The following PRR14L variants were observed in gnomAD, a reference collection of about 807,000 sequenced individuals.
PRR14L encodes proline rich 14 like.
A neutral mutation model predicts 155.0 loss-of-function variants in PRR14L; 80 were observed. The observed-to-expected ratio is 0.52, with a 90% CI of 0.43 to 0.62. PRR14L has a LOEUF of 0.62. PRR14L is among the 20% of genes least tolerant of loss of function. PRR14L has a pLI of 0.00. For missense variants in PRR14L, 2,469 were observed against 2,548.0 expected, an observed-to-expected ratio of 0.97 and a Z score of 0.67; for synonymous variants, 883 against 916.0, an observed-to-expected ratio of 0.96 and a Z score of 0.65.
intron 3 of PRR14L, 123 bp from the exon 4 acceptor site, chr22:31,717,414 G>A (rs1188562764): frequency 4.1e-5 from 31 of 756,286 alleles, no homozygotes; most frequent in Non-Finnish European, 6.4e-5. Context: ...AAAGAAAACT[G>A]GAAAGTTAGC....
chr22:31,709,802 A>T (rs560907098), intron 4 of PRR14L, among the ~76,000 whole-genome samples: 62 of 151,670 alleles, frequency 4.1e-4, no homozygotes, highest in African/African-American at 1.4e-3. Flanking sequence ...CAGCCTCCCA[A>T]AGTGCTAGGA....
intron 3 of PRR14L, among the ~76,000 whole-genome samples, chr22:31,718,465 A>G (rs1264001308): frequency 2.7e-5 from 4 of 150,632 alleles, no homozygotes; most frequent in Admixed American, 2.0e-4. Context: ...TCACCATGTT[A>G]GGATGGTCTT....
intron 2 of PRR14L, among the ~76,000 whole-genome samples, chr22:31,730,171 G>C (rs2074740296): frequency 6.6e-6 from 1 of 151,730 alleles, no homozygotes; most frequent in South Asian, 2.1e-4. Context: ...CGGGCGCTGT[G>C]GCTCATGCCT....
At position 31,714,179 on chromosome 22, in the gene PRR14L, C is replaced by T; in HGVS notation, c.3660G>A (p.Glu1220=). The T allele has an allele frequency of 1.3e-6, 2 of 1,551,594 alleles. No homozygotes were observed. Among genetic ancestry groups the T allele is most frequent in the Non-Finnish European group, 1.7e-6 (2 of 1,146,956 alleles). ...AGCTTTCATCATGGCAAGACATCGA[C>T]TCTTTTGAGGAAATTCCAAAGGTAC... ...KESTFGISSK[E]SMSCHDESSV... Residue 1220 remains glutamate (E), a synonymous_variant, in exon 4 of 9, where the codon GAG becomes GAA. Coordinates refer to ENST00000327423, the MANE Select transcript of PRR14L (RefSeq NM_173566.3).
chr22:31,695,194 A>G (rs1664455656), intron 7 of PRR14L, among the ~76,000 whole-genome samples: 1 of 152,340 alleles, frequency 6.6e-6, no homozygotes, highest in Admixed American at 6.5e-5. Flanking sequence ...ACTGTTTACT[A>G]TATGCCAATG....
rs1320308557 is a variant in PRR14L, at chr22:31,733,305, T to G, written c.474+5082A>C. Among the ~76,000 whole-genome samples, 7 of 139,054 alleles carry G rather than the reference T, an allele frequency of 5.0e-5. No individual in the cohort carries two copies. In the East Asian group the frequency reaches 1.4e-3, roughly 28 times the overall value. The allele number at this position is 139,054 out of a possible 152,430, so 91.2% of individuals were successfully genotyped here. Reference sequence around the variant, plus strand: ...CCACCGCGCCTGGCCACTGTTTTTTTTTTTTTTTTTTTTTTTTGAGACGGA... The same window carrying G: ...CCACCGCGCCTGGCCACTGTTTTTTGTTTTTTTTTTTTTTTTTGAGACGGA... On this transcript the variant is annotated intron_variant, in intron 2 of 8. Transcript: ENST00000327423.
intron 1 of PRR14L, among the ~76,000 whole-genome samples, chr22:31,746,747 T>TATTTC (rs1474062338): frequency 1.3e-5 from 2 of 152,168 alleles, no homozygotes; most frequent in Non-Finnish European, 2.9e-5. Flanking sequence ...TGAGGACAAT[T>TATTTC]ATTTCATGTT....
Position 31,716,704 on chromosome 22 carries a change from T to C in PRR14L, c.1135A>G (p.Ser379Gly). ...LLKRSAEKTDSSYFYRGDDQG... is the reference protein window; with the variant it reads ...LLKRSAEKTDGSYFYRGDDQG... ...TCATCCCCCCTATAAAAATAAGAAC[T>C]GTCTGTCTTTTCAGCAGATCTCTTT... The change falls in exon 4 of 9, where the codon AGT (serine) becomes GGT (glycine). Residue 379 changes from serine to glycine, a missense_variant. Ser to Gly is a moderately conservative substitution (Grantham distance 56, BLOSUM62 0). This residue lies in a region of PRR14L where 2,363 missense variants were observed against 2,371.6 expected (regional missense o/e 1.00). Coordinates refer to ENST00000327423, the MANE Select transcript of PRR14L (RefSeq NM_173566.3). The C allele has an allele frequency of 1.9e-6, 3 of 1,551,774 alleles. No individual in the cohort carries two copies. The highest frequency in any genetic ancestry group is 1.4e-5 in the African/African-American group (1 of 73,122).
At chr22:31,735,501 C>T (rs2147874424) in intron 2 of PRR14L, among the ~76,000 whole-genome samples, 1 of 151,518 alleles carries the variant, frequency 6.6e-6, no homozygotes, top group East Asian at 1.9e-4. Flanking sequence ...GTTATGTAAG[C>T]ATGTGTATGT....
rs2074632224 is a variant in PRR14L at position 31,712,958 on chromosome 22, G to A, written c.4881C>T (p.Ala1627=). The A allele has an allele frequency of 1.3e-6, 2 of 1,551,670 alleles. No homozygotes were observed. Among genetic ancestry groups the A allele is most frequent in the Non-Finnish European group, 1.7e-6 (2 of 1,147,030 alleles). The change falls in exon 4 of 9, where the codon GCC becomes GCT. Residue 1627 remains alanine, a synonymous_variant. Coordinates refer to ENST00000327423, the MANE Select transcript of PRR14L (RefSeq NM_173566.3). The stretch of plus-strand genomic sequence containing the variant: ...TTAGCTTCTGAGTCTTCATGGCTGG[G>A]GCCAGTTTGGAGGCAAGGATGGACA... ...NKLSILASKL[A]PAMKTQKLRY...
At position 31,713,394 on chromosome 22, in the gene PRR14L, G is replaced by A. The variant is rs1015693561; in HGVS notation, c.4445C>T (p.Ser1482Leu). The change falls in exon 4 of 9, where the codon TCA becomes TTA. Residue 1482 changes from serine (S) to leucine (L), a missense_variant. Physicochemically the swap from Ser to Leu is moderately radical, Grantham distance 145 (BLOSUM62 -2). Around this residue, in one of 2 missense-constraint regions of PRR14L, gnomAD observed 2,363 missense variants for 2,371.6 expected, o/e 1.00. Coordinates refer to ENST00000327423, the MANE Select transcript of PRR14L (RefSeq NM_173566.3). ...ACCAAGAAGGCAAGGACTTGTGCAT[G>A]ACTCAGTGTCCTTCCTTAATGGATG... is the stretch of plus-strand genomic sequence containing the variant. ...LHHPLRKDTESCTSPCLLGAP... is the reference protein window; with the variant it reads ...LHHPLRKDTELCTSPCLLGAP... 2.6e-6 allele frequency: 4 copies of A among 1,551,950 alleles called. No individual in the cohort carries two copies. The highest frequency in any genetic ancestry group is 2.6e-6 in the Non-Finnish European group (3 of 1,147,046).
chr22:31,716,138 A>C lies in PRR14L; in HGVS notation c.1701T>G (p.Phe567Leu). Reference protein sequence around the residue: ...LNEASCNDFLFERKSIVSLMP... With the variant: ...LNEASCNDFLLERKSIVSLMP... ...TTAAACTCACAATGGATTTTCTTTC[A>C]AACAGAAAATCATTACATGATGCTT... The change falls in exon 4 of 9, where the codon TTT (phenylalanine) becomes TTG (leucine). Residue 567 changes from phenylalanine to leucine, a missense_variant. Coordinates refer to ENST00000327423, the MANE Select transcript of PRR14L (RefSeq NM_173566.3). 3 of 1,551,154 alleles carry C rather than the reference A, an allele frequency of 1.9e-6. No homozygotes were observed. The highest frequency in any genetic ancestry group is 2.6e-6 in the Non-Finnish European group (3 of 1,146,612).
At chr22:31,703,998 T>C (rs2074576917) in intron 5 of PRR14L, among the ~76,000 whole-genome samples, 1 of 152,048 alleles carries the variant, frequency 6.6e-6, no homozygotes, top group East Asian at 1.9e-4. Context: ...AGTTTCTCCA[T>C]GTTGGTCAGG....
intron 4 of PRR14L, among the ~76,000 whole-genome samples, chr22:31,706,300 C>T (rs1352045637): frequency 7.6e-6 from 1 of 131,200 alleles, no homozygotes; most frequent in Admixed American, 7.8e-5. Flanking sequence ...GAGGCAGAGG[C>T]TGCAGTGAGC....
intron 8 of PRR14L, among the ~76,000 whole-genome samples, chr22:31,687,642 G>A (rs761727177): frequency 4.6e-5 from 7 of 151,426 alleles, no homozygotes; most frequent in South Asian, 2.1e-4. Context: ...GTGAGCCACC[G>A]TGCCTGGCTA....
At chr22:31,725,667 T>C in intron 2 of PRR14L, 57 bp from the exon 3 acceptor site, 1 of 868,962 alleles carries the variant, frequency 1.2e-6, no homozygotes, top group Non-Finnish European at 1.8e-6. Context: ...AGTTAATGAA[T>C]ATTATTATTA....
At chr22:31,706,912 G>A (rs2074595417) in intron 4 of PRR14L, among the ~76,000 whole-genome samples, 1 of 152,090 alleles carries the variant, frequency 6.6e-6, no homozygotes, top group Admixed American at 6.6e-5. Flanking sequence ...AGCCAGGCGT[G>A]GTGGTACATG....
At chr22:31,688,923 C>A (rs573381363) in intron 7 of PRR14L, among the ~76,000 whole-genome samples, 2 of 151,446 alleles carry the variant, frequency 1.3e-5, no homozygotes, top group African/African-American at 4.9e-5. Flanking sequence ...CACACACACA[C>A]ACAAAAACCC....
At chr22:31,729,746 G>A (rs1216150958) in intron 2 of PRR14L, among the ~76,000 whole-genome samples, 5 of 152,200 alleles carry the variant, frequency 3.3e-5, no homozygotes, top group Non-Finnish European at 5.9e-5. Context: ...TGTTGTCAAA[G>A]ACGGGGTAAG....
Sources: allele counts gnomAD v4.1 joint callset (sites outside exome capture counted in the v4.1 genomes callset), GRCh38; gene constraint gnomAD v4.1.1; regional missense constraint gnomAD v4.1.1; transcripts MANE v1.5; gene names NCBI Gene and HGNC (gene_info 2026-07-23, HGNC 2026-07-21).